Variants in LHFPL2 observed in about 807,000 individuals in gnomAD.
LHFPL2 encodes LHFPL tetraspan subfamily member 2, also known as LHFPL tetraspan subfamily member 2 protein.
Under a neutral mutation model 17.5 loss-of-function variants are expected in LHFPL2, and 7 were observed. The ratio of observed to expected loss-of-function variants is 0.40; its 90% CI spans 0.23 to 0.75. The LOEUF is 0.75. LHFPL2 is among the 30% of genes least tolerant of loss of function. LHFPL2 has a pLI of 0.37. For synonymous variants in LHFPL2, 134 were observed against 116.2 expected (o/e 1.15, Z -0.99); for missense variants, 241 against 294.8 (o/e 0.82, Z 1.34).
chr5:78,489,213 C>CTGTTG, intron 4 of LHFPL2, 60 bp from the exon 5 acceptor site: 1 of 1,588,200 alleles, frequency 6.3e-7, no homozygotes, highest in Non-Finnish European at 8.6e-7. Context: ...CTGTCCAGAT[C>CTGTTG]TGTTGTAATT....
At chr5:78,638,436 T>G (rs1445138621) in intron 1 of LHFPL2, among the ~76,000 whole-genome samples, 3 of 152,198 alleles carry the variant, frequency 2.0e-5, no homozygotes, top group Non-Finnish European at 2.9e-5. Context: ...CACATTCTCA[T>G]CTGGCTCTAA....
At chr5:78,582,753 G>T (rs1300033735) in intron 2 of LHFPL2, among the ~76,000 whole-genome samples, 1 of 152,184 alleles carries the variant, frequency 6.6e-6, no homozygotes, top group Non-Finnish European at 1.5e-5. Flanking sequence ...TGAAAAAAAT[G>T]TATATTCTGT....
intron 2 of LHFPL2, among the ~76,000 whole-genome samples, chr5:78,616,659 T>C (rs934692488): frequency 6.6e-6 from 1 of 152,162 alleles, no homozygotes; most frequent in Non-Finnish European, 1.5e-5. Flanking sequence ...GGACATGCAA[T>C]TGTCACTGGC....
intron 3 of LHFPL2, among the ~76,000 whole-genome samples, chr5:78,518,754 A>T (rs1561318166): frequency 6.6e-6 from 1 of 151,890 alleles, no homozygotes; most frequent in African/African-American, 2.4e-5. Context: ...TGGTCACAGA[A>T]AAACCCCTTT....
chr5:78,585,689 C>CTCATCA (rs1044153398), intron 2 of LHFPL2, among the ~76,000 whole-genome samples: 1 of 152,166 alleles, frequency 6.6e-6, no homozygotes, highest in Non-Finnish European at 1.5e-5. Flanking sequence ...CCTCCTCCTC[C>CTCATCA]TCATCATCAT....
Position 78,488,211 on chromosome 5 carries a change from G to T in LHFPL2, c.*686C>A, listed in dbSNP as rs1292747009. 6.6e-6 allele frequency: 1 copy of T among 152,228 alleles called. No individual in the cohort carries two copies. The highest frequency in any genetic ancestry group is 1.5e-5 in the Non-Finnish European group (1 of 68,094). 9.4% of individuals were successfully genotyped at this position (152,228 alleles called of 1,614,324 possible). ...TTCACTAGCAAGATTTCATATTTTT[G>T]TTCTCATATGATTGTATAGGTCCTT... is the stretch of plus-strand genomic sequence containing the variant. On this transcript the variant is annotated 3_prime_UTR_variant, in exon 5 of 5. Transcript: ENST00000380345.
At chr5:78,547,254 G>C (rs1466095246) in intron 3 of LHFPL2, among the ~76,000 whole-genome samples, 4 of 152,228 alleles carry the variant, frequency 2.6e-5, no homozygotes, top group African/African-American at 4.8e-5. Flanking sequence ...TAACAACAGA[G>C]GCAGAGCCCA....
chr5:78,572,467 C>CATGTGTATATAT (rs1196795690), intron 2 of LHFPL2, among the ~76,000 whole-genome samples: 3 of 139,866 alleles, frequency 2.1e-5, no homozygotes, highest in African/African-American at 3.1e-5. Context: ...TGTGTATATA[C>CATGTGTATATAT]ATGTGTATAT....
intron 1 of LHFPL2, among the ~76,000 whole-genome samples, chr5:78,645,070 C>T (rs187251495): frequency 2.0e-4 from 30 of 152,292 alleles, no homozygotes; most frequent in African/African-American, 6.5e-4. Flanking sequence ...CTTTGGAAGA[C>T]CCACAGGACT....
At chr5:78,514,332 G>C (rs1755226033) in intron 3 of LHFPL2, among the ~76,000 whole-genome samples, 2 of 147,650 alleles carry the variant, frequency 1.4e-5, no homozygotes, top group Non-Finnish European at 3.0e-5. Context: ...TGGCACAACG[G>C]TGTGCAAAGT....
chr5:78,622,125 T>TA (rs1744876623), intron 2 of LHFPL2, among the ~76,000 whole-genome samples: 1 of 152,154 alleles, frequency 6.6e-6, no homozygotes, highest in African/African-American at 2.4e-5. Flanking sequence ...ACCTGTCTGC[T>TA]ATGGAGAAGA....
chr5:78,518,580 A>T (rs1253554072), intron 3 of LHFPL2, among the ~76,000 whole-genome samples: 1 of 152,222 alleles, frequency 6.6e-6, no homozygotes, highest in Non-Finnish European at 1.5e-5. Context: ...CAGTAGCCAT[A>T]GGTACTTTTG....
At chr5:78,545,646 G>A (rs1355061749) in intron 3 of LHFPL2, among the ~76,000 whole-genome samples, 2 of 152,186 alleles carry the variant, frequency 1.3e-5, no homozygotes, top group Non-Finnish European at 2.9e-5. Flanking sequence ...CCACCTGGAT[G>A]TGCTGTGAAA....
At chr5:78,580,666 C>T (rs1372673221) in intron 2 of LHFPL2, among the ~76,000 whole-genome samples, 6 of 152,202 alleles carry the variant, frequency 3.9e-5, no homozygotes, top group East Asian at 1.9e-4. Flanking sequence ...AGATATGCGG[C>T]GTTCTTTCTG....
chr5:78,591,347 G>A (rs979731434), intron 2 of LHFPL2, among the ~76,000 whole-genome samples: 31 of 152,136 alleles, frequency 2.0e-4, no homozygotes, highest in African/African-American at 7.5e-4. Flanking sequence ...TTTTGAAACC[G>A]TTTAGTTTCT....
intron 4 of LHFPL2, among the ~76,000 whole-genome samples, chr5:78,499,569 C>G (rs1336857295): frequency 6.6e-6 from 1 of 152,124 alleles, no homozygotes; most frequent in Non-Finnish European, 1.5e-5. Context: ...ACTTCCAAGA[C>G]AAAAACATTT....
At chr5:78,542,509 C>T (rs1413857283) in intron 3 of LHFPL2, among the ~76,000 whole-genome samples, 1 of 152,176 alleles carries the variant, frequency 6.6e-6, no homozygotes, top group African/African-American at 2.4e-5. Flanking sequence ...CTGAGCCTTC[C>T]CCCTGATCTG....
intron 1 of LHFPL2, among the ~76,000 whole-genome samples, chr5:78,639,470 C>T (rs994329447): frequency 2.0e-5 from 3 of 152,202 alleles, no homozygotes; most frequent in South Asian, 4.1e-4. Flanking sequence ...CGAATTACAG[C>T]ATGAATCCAT....
intron 1 of LHFPL2, among the ~76,000 whole-genome samples, chr5:78,640,954 G>C (rs776836036): frequency 3.9e-5 from 6 of 152,122 alleles, no homozygotes; most frequent in Non-Finnish European, 7.3e-5. Context: ...AGGGCCATTT[G>C]GTAACCTCAA....
Sources: gnomAD v4.1 joint callset for allele counts (sites outside exome capture counted in the v4.1 genomes callset) on GRCh38, gnomAD v4.1.1 for gene constraint, MANE v1.5 for transcripts, NCBI Gene and HGNC (gene_info 2026-07-23, HGNC 2026-07-21) for gene names.